Variants in FAAP20 observed in about 807,000 individuals in gnomAD.
FAAP20 encodes the protein Fanconi anemia core complex-associated protein 20.
A neutral mutation model predicts 16.2 loss-of-function variants in FAAP20; 12 were observed. The observed-to-expected ratio is 0.74, with a 90% confidence interval of 0.48 to 1.20. The LOEUF (loss-of-function observed/expected upper bound fraction) is 1.20. Among genes scored for constraint, FAAP20 ranks in the 50% most tolerant of loss-of-function variants. The pLI, the probability that FAAP20 is intolerant of heterozygous loss-of-function variation, is 0.00. For synonymous variants in FAAP20, 141 were observed against 110.7 expected, an observed-to-expected ratio of 1.27 and a Z score of -1.72; for missense variants, 288 against 245.8, an observed-to-expected ratio of 1.17 and a Z score of -1.15.
chr1:2,201,999 A>G (rs1463792957), upstream of FAAP20, among the ~76,000 whole-genome samples: 1 of 150,786 alleles, frequency 6.6e-6, no homozygotes, highest in Non-Finnish European at 1.5e-5. Flanking sequence ...CCTGGGCGAC[A>G]GAGCGAGACT....
chr1:2,195,708 A>T (rs1177598887), upstream of FAAP20, among the ~76,000 whole-genome samples: 1 of 152,088 alleles, frequency 6.6e-6, no homozygotes, highest in African/African-American at 2.4e-5. Flanking sequence ...CCGGCCCTGA[A>T]CCCAGGCCAC....
chr1:2,188,153 G>T (rs1033140203), downstream of FAAP20, among the ~76,000 whole-genome samples: 4 of 152,220 alleles, frequency 2.6e-5, no homozygotes, highest in African/African-American at 9.6e-5. Flanking sequence ...ACAAACGGGG[G>T]TCAGAGCTGA....
upstream of FAAP20, among the ~76,000 whole-genome samples, chr1:2,203,129 G>A (rs536123415): frequency 6.6e-6 from 1 of 152,230 alleles, no homozygotes; most frequent in African/African-American, 2.4e-5. Context: ...GGGGCCAGAG[G>A]GCAGCCCAGG....
At chr1:2,198,169 G>T, upstream of FAAP20, 1 of 1,287,792 alleles carries the variant, frequency 7.8e-7, no homozygotes, top group Non-Finnish European at 1.0e-6. Context: ...TTTCTGGTTG[G>T]GACTGACACG....
At chr1:2,205,957 C>T (rs988487428) in intron 3 of FAAP20, among the ~76,000 whole-genome samples, 3 of 152,262 alleles carry the variant, frequency 2.0e-5, no homozygotes, top group Non-Finnish European at 2.9e-5. Context: ...ATCTGAGAGC[C>T]GAGCTCTCGG....
At chr1:2,189,017 A>AG (rs1687858541), downstream of FAAP20, among the ~76,000 whole-genome samples, 1 of 143,942 alleles carries the variant, frequency 6.9e-6, no homozygotes, top group Non-Finnish European at 1.5e-5. Flanking sequence ...AAAAGAAAAA[A>AG]AAAAAAAAAA....
chr1:2,193,565 C>T, intron 3 of FAAP20, 74 bp downstream of exon 3: 1 of 1,561,468 alleles, frequency 6.4e-7, no homozygotes, highest in Non-Finnish European at 8.6e-7. Flanking sequence ...TCGGCCACCT[C>T]TTGACCTTCT....
chr1:2,201,020 G>T, upstream of FAAP20: 2 of 1,269,974 alleles, frequency 1.6e-6, no homozygotes, highest in East Asian at 5.8e-5. Flanking sequence ...GATGCTGCCT[G>T]GTCCCTGCAC....
At chr1:2,212,188 T>G (rs766891275) in exon 2 of FAAP20, 2 of 152,600 alleles carry the variant, frequency 1.3e-5, no homozygotes, top group Non-Finnish European at 2.9e-5. Context: ...ATTACAGGCG[T>G]GAGCCACTGC....
At chr1:2,205,083 C>T (rs1208825774) in intron 3 of FAAP20, among the ~76,000 whole-genome samples, 2 of 49,946 alleles carry the variant, frequency 4.0e-5, no homozygotes, top group Non-Finnish European at 8.1e-5. Flanking sequence ...TTCCCCCGGG[C>T]TCCCCCACGC....
intron 3 of FAAP20, chr1:2,190,631 C>T (rs1688109373): frequency 2.9e-6 from 1 of 348,836 alleles, no homozygotes; most frequent in Non-Finnish European, 5.8e-6. Context: ...CTCAGCAGAG[C>T]TGCCGGGGAC....
At chr1:2,207,937 T>TGTGC (rs1557795433), downstream of FAAP20, among the ~76,000 whole-genome samples, 1 of 151,204 alleles carries the variant, frequency 6.6e-6, no homozygotes, top group Admixed American at 6.6e-5. Flanking sequence ...TGTGTGTGTG[T>TGTGC]GTGTGTGTGT....
At chr1:2,190,604 G>C (rs1457440251) in intron 3 of FAAP20, 1 of 356,108 alleles carries the variant, frequency 2.8e-6, no homozygotes, top group African/African-American at 2.1e-5. Context: ...CTCCCGGAGA[G>C]TGCCGGAGCT....
chr1:2,200,761 A>AC (rs1468727299), upstream of FAAP20: 6 of 995,618 alleles, frequency 6.0e-6, no homozygotes, highest in Admixed American at 3.0e-4. Context: ...TCTCCTGTCC[A>AC]CCACACCCGG....
downstream of FAAP20, among the ~76,000 whole-genome samples, chr1:2,211,435 A>ATTTTTTTT: frequency 1.2e-4 from 1 of 8,562 alleles, no homozygotes; most frequent in Non-Finnish European, 1.6e-4. Flanking sequence ...ATATATATAT[A>ATTTTTTTT]TTTTTTTTTT....
chr1:2,187,189 T>C (rs1178974498), downstream of FAAP20: 6 of 471,446 alleles, frequency 1.3e-5, no homozygotes, highest in Admixed American at 2.4e-5. Flanking sequence ...ATTCAAAGTC[T>C]TGCACATCCA....
downstream of FAAP20, chr1:2,186,773 A>G (rs926642004): frequency 1.3e-5 from 2 of 157,498 alleles, no homozygotes; most frequent in African/African-American, 4.8e-5. Context: ...GTATCCCAGA[A>G]GTGGTTAACA....
downstream of FAAP20, chr1:2,186,968 T>C: frequency 3.5e-6 from 1 of 283,102 alleles, no homozygotes; most frequent in Admixed American, 5.1e-5. Context: ...TAAATTAAAG[T>C]GAAGGATGTA....
chr1:2,188,777 G>A (rs983194378), downstream of FAAP20, among the ~76,000 whole-genome samples: 17 of 152,080 alleles, frequency 1.1e-4, no homozygotes, highest in Non-Finnish European at 2.4e-4. Flanking sequence ...AGGCCGAGGC[G>A]GGCGGATCAC....
Sources: gnomAD v4.1 joint callset for allele counts (sites outside exome capture counted in the v4.1 genomes callset) on GRCh38, gnomAD v4.1.1 for gene constraint, MANE v1.5 for transcripts, NCBI Gene and HGNC (gene_info 2026-07-23, HGNC 2026-07-21) for gene names.